The following OLAH variants were observed in gnomAD, a reference collection of about 807,000 sequenced individuals.
The protein encoded by OLAH is oleoyl-ACP hydrolase.
OLAH carries 33 observed loss-of-function variants against 27.8 expected under a neutral mutation model. That is an observed-to-expected ratio of 1.19 (90% CI 0.90 to 1.59). The LOEUF is 1.59. OLAH is among the 40% of genes most tolerant of loss of function. The pLI, the probability that OLAH is intolerant of heterozygous loss-of-function variation, is 0.00. For missense variants in OLAH, 359 were observed against 310.8 expected, an observed-to-expected ratio of 1.16 and a Z score of -1.17; for synonymous variants, 120 against 102.9, an observed-to-expected ratio of 1.17 and a Z score of -1.01.
At chr10:15,071,969 T>C in intron 7 of OLAH, 92 bp downstream of exon 7, 2 of 886,488 alleles carry the variant, frequency 2.3e-6, no homozygotes, top group Non-Finnish European at 3.6e-6. Context: ...AGTCTCGCCC[T>C]GTCACCCAGG....
chr10:15,061,756 A>G lies in OLAH; in HGVS notation c.196A>G (p.Arg66Gly). 3 of 1,613,298 alleles carry G rather than the reference A, an allele frequency of 1.9e-6. No homozygotes were observed. Among genetic ancestry groups the G allele is most frequent in the African/African-American group, 2.7e-5 (2 of 75,026 alleles). The part of the protein sequence containing the change: ...HSLRLPGRES[R>G]VEEPLENDIS... ...CTTAAGGCTTCCTGGAAGAGAAAGC[A>G]GAGTTGAAGAACCTCTTGAAAATGA... The change falls in exon 4 of 8, where the codon AGA becomes GGA. Residue 66 changes from arginine (R) to glycine (G), a missense_variant. Coordinates refer to ENST00000378228, the MANE Select transcript of OLAH (RefSeq NM_001039702.3).
chr10:15,046,127 C>T (rs1844011837), intron 1 of OLAH, among the ~76,000 whole-genome samples: 1 of 152,064 alleles, frequency 6.6e-6, no homozygotes, highest in East Asian at 1.9e-4. Context: ...GGGTGGATCA[C>T]TTGAGGTCAG....
At chr10:15,056,185 C>G (rs1271232325) in intron 3 of OLAH, among the ~76,000 whole-genome samples, 1 of 152,112 alleles carries the variant, frequency 6.6e-6, no homozygotes, top group African/African-American at 2.4e-5. Flanking sequence ...CATTGTGTGA[C>G]TATAACACAA....
upstream of OLAH, among the ~76,000 whole-genome samples, chr10:15,041,881 C>T (rs1843925860): frequency 6.6e-6 from 1 of 152,012 alleles, no homozygotes; most frequent in African/African-American, 2.4e-5. Flanking sequence ...CTGGCCCACA[C>T]CTTTGACCCG....
At position 15,049,746 on chromosome 10, in the gene OLAH, T is replaced by C. The variant is rs371826903; in HGVS notation, c.144T>C (p.Asp48=). 6 of 1,605,834 alleles carry C rather than the reference T, an allele frequency of 3.7e-6. No homozygotes were observed. Among genetic ancestry groups the C allele is most frequent in the African/African-American group, 1.3e-5 (1 of 74,498 alleles). ...CTCATTTTGCCAAATGGGGCCAAGATACTCATGATTTGCTGGAAGGTATGT... is the reference window on the plus strand; with the variant it reads ...CTCATTTTGCCAAATGGGGCCAAGACACTCATGATTTGCTGGAAGGTATGT... ...GSTHFAKWGQ[D]THDLLEVHSL... The change falls in exon 3 of 8, where the codon GAT becomes GAC. Residue 48 remains aspartate (D), a synonymous_variant. Transcript: ENST00000378228.
intron 4 of OLAH, among the ~76,000 whole-genome samples, chr10:15,063,152 G>C (rs746267238): frequency 2.0e-5 from 3 of 152,030 alleles, no homozygotes; most frequent in Non-Finnish European, 4.4e-5. Context: ...TTCAAGACAG[G>C]GTCTTGCTCT....
chr10:15,072,394 A>T (rs910582668), intron 7 of OLAH, among the ~76,000 whole-genome samples: 4 of 152,208 alleles, frequency 2.6e-5, no homozygotes, highest in African/African-American at 9.6e-5. Context: ...CTTGTGTAAA[A>T]TGAGAGAACT....
intron 5 of OLAH, among the ~76,000 whole-genome samples, chr10:15,064,754 T>G (rs1844434387): frequency 6.6e-6 from 1 of 152,086 alleles, no homozygotes; most frequent in South Asian, 2.1e-4. Context: ...GCTTACTGGG[T>G]TCAAGAGATT....
At chr10:15,034,803 T>TC (rs1491457636) in intron 1 of OLAH, among the ~76,000 whole-genome samples, 1 of 56,884 alleles carries the variant, frequency 1.8e-5, no homozygotes, top group Non-Finnish European at 4.0e-5. Flanking sequence ...TTTCTTTCTT[T>TC]CTTTTTTTTT....
intron 2 of OLAH, among the ~76,000 whole-genome samples, chr10:15,049,051 C>T (rs894727269): frequency 1.3e-5 from 2 of 149,064 alleles, no homozygotes; most frequent in Non-Finnish European, 3.0e-5. Context: ...TGCTGTGAGC[C>T]GACATTACGC....
chr10:15,065,860 G>C lies in OLAH; in HGVS notation c.572+107G>C, dbSNP rs1028107586. 3.4e-5 allele frequency: 35 copies of C among 1,035,156 alleles called. No individual in the cohort carries two copies. In the African/African-American group the frequency reaches 5.2e-4, roughly 15 times the overall value. The allele number at this position is 1,035,156 out of a possible 1,614,324, so 64.1% of individuals were successfully genotyped here. On this transcript the variant is annotated intron_variant, in intron 6 of 7. Transcript: ENST00000378228. ...CTTATGTGGGAAGACAAAATTCTAA[G>C]AGTTTGGTTTCATTTCCTTTGGGGC...
At chr10:15,071,624 TCAGG>T (rs1405903752) in intron 6 of OLAH, 167 bp from the exon 7 acceptor site, 5 of 983,660 alleles carry the variant, frequency 5.1e-6, no homozygotes, top group Non-Finnish European at 6.0e-6. Context: ...ACACTGAGTC[TCAGG>T]CAGGCTTTGA....
At chr10:15,067,884 G>T (rs1844499391) in intron 6 of OLAH, among the ~76,000 whole-genome samples, 1 of 152,106 alleles carries the variant, frequency 6.6e-6, no homozygotes, top group Non-Finnish European at 1.5e-5. Context: ...GCCAGAAGCT[G>T]TGACTACTTC....
At chr10:15,034,102 ATTT>A (rs374141373) in intron 1 of OLAH, among the ~76,000 whole-genome samples, 37 of 60,784 alleles carry the variant, frequency 6.1e-4, no homozygotes, top group African/African-American at 1.6e-3. Context: ...AGACTCCACC[ATTT>A]TTTTTTTTTC....
intron 3 of OLAH, among the ~76,000 whole-genome samples, chr10:15,050,787 C>T (rs575466974): frequency 8.2e-4 from 125 of 151,930 alleles, no homozygotes; most frequent in African/African-American, 2.7e-3. Context: ...GTGATCCGCC[C>T]GCCTCGGCCT....
chr10:15,046,931 A>T (rs1844029709), intron 1 of OLAH, among the ~76,000 whole-genome samples, 195 bp from the exon 2 acceptor site: 2 of 152,188 alleles, frequency 1.3e-5, no homozygotes, highest in African/African-American at 4.8e-5. Context: ...ATACGTGAGC[A>T]GTCCTGTTAA....
chr10:15,045,218 G>C (rs1843992647), intron 1 of OLAH, among the ~76,000 whole-genome samples: 1 of 152,136 alleles, frequency 6.6e-6, no homozygotes, highest in South Asian at 2.1e-4. Context: ...ATCTTCCCAG[G>C]TATGATTGAT....
intron 3 of OLAH, chr10:15,056,956 G>A: frequency 6.7e-7 from 1 of 1,493,724 alleles, no homozygotes; most frequent in Non-Finnish European, 9.0e-7. Flanking sequence ...AAAATTCTTG[G>A]TCTATTCTGG....
chr10:15,046,263 T>A (rs1454164935), intron 1 of OLAH, among the ~76,000 whole-genome samples: 1 of 149,310 alleles, frequency 6.7e-6, no homozygotes, highest in Non-Finnish European at 1.5e-5. Context: ...GGACAATCAT[T>A]TGAACTTGAG....
Sources: gnomAD v4.1 joint callset for allele counts (sites outside exome capture counted in the v4.1 genomes callset) on GRCh38, gnomAD v4.1.1 for gene constraint, MANE v1.5 for transcripts, NCBI Gene and HGNC (gene_info 2026-07-23, HGNC 2026-07-21) for gene names.